RAB1A: variants seen among roughly 807,000 people sequenced by gnomAD.
RAB1A encodes ras-related protein Rab-1A.
A neutral mutation model predicts 26.0 loss-of-function variants in RAB1A; 2 were observed. That is an observed-to-expected ratio of 0.08 (90% CI 0.03 to 0.24). The LOEUF (loss-of-function observed/expected upper bound fraction) is 0.24, where lower values mean the gene tolerates loss of function less well. Among genes scored for constraint, RAB1A ranks in the 10% least tolerant of loss-of-function variants. The pLI is 1.00. For missense variants in RAB1A, 100 were observed against 247.0 expected (o/e 0.40, Z 3.99); for synonymous variants, 84 against 84.9 (o/e 0.99, Z 0.06).
At chr2:65,100,541 C>G (rs1302290582) in intron 2 of RAB1A, among the ~76,000 whole-genome samples, 1 of 151,858 alleles carries the variant, frequency 6.6e-6, no homozygotes, top group Non-Finnish European at 1.5e-5. Context: ...GGGAGGCTCA[C>G]TTTAGATCAG....
intron 1 of RAB1A, among the ~76,000 whole-genome samples, chr2:65,108,298 G>T (rs1036714699): frequency 2.0e-5 from 3 of 148,988 alleles, no homozygotes; most frequent in Admixed American, 6.7e-5. Flanking sequence ...GGAGGCAGAG[G>T]TTGCAGTGCG....
rs1201745425 is a variant in RAB1A, at chr2:65,103,299, C to CAAAA, written c.96+1431_96+1434dup. ...TTGGCAACACAGCCAGAATCTGTCT[C>CAAAA]AAAAAAAAAAAAAAACATTGTTTTA... On this transcript the variant is annotated intron_variant, in intron 2 of 5. Coordinates refer to ENST00000409784, the MANE Select transcript of RAB1A (RefSeq NM_004161.5). Among the ~76,000 whole-genome samples the CAAAA allele has an allele frequency of 9.1e-3, 402 of 44,110 alleles. 19 individuals are homozygous for CAAAA. Among genetic ancestry groups the CAAAA allele is most frequent in the African/African-American group, 0.029 (375 of 12,934 alleles). 28.9% of individuals were successfully genotyped at this position (44,110 alleles called of 152,430 possible).
chr2:65,093,602 A>G (rs1381081892), intron 3 of RAB1A, among the ~76,000 whole-genome samples: 1 of 152,018 alleles, frequency 6.6e-6, no homozygotes, highest in African/African-American at 2.4e-5. Flanking sequence ...TGATAGGATT[A>G]AAAGTAAAAT....
At position 65,100,846 on chromosome 2, in the gene RAB1A, T is replaced by C. The variant is rs1669407784; in HGVS notation, c.97-2780A>G. ...CACATCTATCCCCCAGGTACTTGGA[T>C]AGAAATACTGAATTCTTGGCCGGGT... On this transcript the variant is annotated intron_variant, in intron 2 of 5. Transcript: ENST00000409784. Among the ~76,000 whole-genome samples the C allele has an allele frequency of 3.3e-5, 5 of 150,252 alleles. No homozygotes were observed. The South Asian group carries it at 1.1e-3, about 32-fold the overall frequency.
intron 1 of RAB1A, among the ~76,000 whole-genome samples, chr2:65,112,114 GACAA>G (rs761220633): frequency 4.6e-4 from 70 of 150,706 alleles, no homozygotes; most frequent in African/African-American, 1.5e-3. Flanking sequence ...AACGAAAAAT[GACAA>G]ACAATCACTT....
intron 2 of RAB1A, among the ~76,000 whole-genome samples, chr2:65,100,823 C>A (rs1030767245): frequency 1.1e-4 from 16 of 149,276 alleles, no homozygotes; most frequent in Admixed American, 7.4e-4. Flanking sequence ...TCATGTAGCA[C>A]ATCTATCCCC....
intron 5 of RAB1A, 52 bp from the exon 6 acceptor site, chr2:65,088,742 C>T: frequency 1.4e-6 from 2 of 1,463,548 alleles, no homozygotes; most frequent in Non-Finnish European, 9.3e-7. Context: ...TTCACTAATT[C>T]TTAGTGCATT....
intron 1 of RAB1A, among the ~76,000 whole-genome samples, chr2:65,128,667 T>G (rs1670161618): frequency 6.6e-6 from 1 of 152,208 alleles, no homozygotes; most frequent in Non-Finnish European, 1.5e-5. Context: ...AACTGGTGGG[T>G]GGACCTTTTA....
intron 1 of RAB1A, among the ~76,000 whole-genome samples, chr2:65,123,501 G>A (rs1323898343): frequency 6.6e-6 from 1 of 152,008 alleles, no homozygotes; most frequent in Admixed American, 6.6e-5. Context: ...CAAGATACCT[G>A]AGAAATAAAA....
intron 1 of RAB1A, chr2:65,106,398 ATT>A (rs759420821): frequency 3.0e-6 from 1 of 338,898 alleles, no homozygotes; most frequent in African/African-American, 2.3e-5. Flanking sequence ...CATAAAACTT[ATT>A]TTTTTTGTTT....
At chr2:65,100,377 G>C (rs1477719939) in intron 2 of RAB1A, among the ~76,000 whole-genome samples, 1 of 144,296 alleles carries the variant, frequency 6.9e-6, no homozygotes, top group Non-Finnish European at 1.5e-5. Context: ...CTCCAGCCCA[G>C]GCGACAAGGC....
rs1553392777 is a variant in RAB1A at position 65,103,304 on chromosome 2, A to AAAAAAAAAACAAAAAAC, written c.96+1429_96+1430insGTTTTTTGTTTTTTTTT. On this transcript the variant is annotated intron_variant, in intron 2 of 5. Transcript: ENST00000409784. ...AACACAGCCAGAATCTGTCTCAAAA[A>AAAAAAAAAACAAAAAAC]AAAAAAAAAACATTGTTTTATGTGA... is the stretch of plus-strand genomic sequence containing the variant. 2.8e-4 allele frequency among the ~76,000 whole-genome samples: 31 copies of AAAAAAAAAACAAAAAAC among 112,534 alleles called. 3 individuals are homozygous for AAAAAAAAAACAAAAAAC. Among genetic ancestry groups the AAAAAAAAAACAAAAAAC allele is most frequent in the African/African-American group, 4.0e-4 (13 of 32,430 alleles). 73.8% of individuals were successfully genotyped at this position (112,534 alleles called of 152,430 possible). A position where few individuals can be genotyped will look rare whatever the true frequency, so the allele number is the denominator to read the frequency against.
At chr2:65,115,429 TTAAG>T (rs1388134598) in intron 1 of RAB1A, among the ~76,000 whole-genome samples, 1 of 152,218 alleles carries the variant, frequency 6.6e-6, no homozygotes, top group Non-Finnish European at 1.5e-5. Context: ...TTCACTCACT[TTAAG>T]TATGCTCCAC....
At chr2:65,115,018 GCT>G (rs1203046174) in intron 1 of RAB1A, among the ~76,000 whole-genome samples, 1 of 152,146 alleles carries the variant, frequency 6.6e-6, no homozygotes, top group African/African-American at 2.4e-5. Flanking sequence ...GCCCCTTCTT[GCT>G]CTCTGTCTTG....
intron 2 of RAB1A, among the ~76,000 whole-genome samples, chr2:65,098,696 T>C (rs1463042498): frequency 4.6e-5 from 7 of 152,202 alleles, no homozygotes; most frequent in African/African-American, 1.7e-4. Context: ...CAACCACTAA[T>C]CTACTTTCTC....
chr2:65,104,864 A>G, intron 1 of RAB1A, 58 bp from the exon 2 acceptor site: 1 of 1,307,480 alleles, frequency 7.6e-7, no homozygotes, highest in Admixed American at 1.7e-5. Context: ...GCTATAAGCT[A>G]TACAAAAACA....
intron 2 of RAB1A, among the ~76,000 whole-genome samples, chr2:65,101,892 G>A (rs937759915): frequency 1.3e-5 from 2 of 151,818 alleles, no homozygotes; most frequent in African/African-American, 4.8e-5. Flanking sequence ...TGGGATTACA[G>A]GCATGCGCCA....
chr2:65,109,180 A>T (rs1374984826), intron 1 of RAB1A, among the ~76,000 whole-genome samples: 4 of 152,202 alleles, frequency 2.6e-5, no homozygotes, highest in Non-Finnish European at 4.4e-5. Context: ...CGTTTTTATA[A>T]TTTACAAAAC....
At chr2:65,111,993 G>A (rs113683435) in intron 1 of RAB1A, among the ~76,000 whole-genome samples, 24,089 of 151,850 alleles carry the variant, frequency 0.16, 2,060 homozygotes, top group African/African-American at 0.21. Context: ...TGAGGCAGGA[G>A]AATCGCTTGA....
Sources: allele counts gnomAD v4.1 joint callset (sites outside exome capture counted in the v4.1 genomes callset), GRCh38; gene constraint gnomAD v4.1.1; transcripts MANE v1.5; gene names NCBI Gene and HGNC (gene_info 2026-07-23, HGNC 2026-07-21).